Variants in SV2C observed in about 807,000 individuals in gnomAD.
SV2C encodes the protein synaptic vesicle glycoprotein 2C.
In SV2C, 49 loss-of-function variants were observed where a neutral mutation model predicts 79.7. That is an observed-to-expected ratio of 0.61 (90% CI 0.49 to 0.78). The LOEUF (loss-of-function observed/expected upper bound fraction) is 0.78. Ranked by LOEUF, SV2C falls within the 30% of genes least tolerant of loss-of-function variation. SV2C has a pLI of 0.00. For synonymous variants in SV2C, 334 were observed against 333.2 expected (o/e 1.00, Z -0.03); for missense variants, 833 against 912.9 (o/e 0.91, Z 1.13).
chr5:76,310,216 G>T (rs1161972132), intron 12 of SV2C, among the ~76,000 whole-genome samples: 1 of 152,228 alleles, frequency 6.6e-6, no homozygotes, highest in Non-Finnish European at 1.5e-5. Context: ...AGTAGATGTA[G>T]TATATTGGAT....
chr5:76,321,874 G>C (rs887809702), intron 12 of SV2C, among the ~76,000 whole-genome samples: 1 of 151,716 alleles, frequency 6.6e-6, no homozygotes, highest in African/African-American at 2.4e-5. Context: ...ATATACCTGC[G>C]TATCTTAAAG....
chr5:75,909,287 G>C, the SV2C span, among the ~76,000 whole-genome samples: 2 of 152,224 alleles, frequency 1.3e-5, no homozygotes, highest in Non-Finnish European at 2.9e-5. Flanking sequence ...GGACACTGAA[G>C]CCTTGTTCTT....
chr5:76,257,291 AGT>A (rs879863414), intron 4 of SV2C, among the ~76,000 whole-genome samples: 4 of 114,408 alleles, frequency 3.5e-5, no homozygotes, highest in Non-Finnish European at 7.5e-5. Context: ...GTGTGTGTGT[AGT>A]GTGTGTGTGG....
the SV2C span, among the ~76,000 whole-genome samples, chr5:75,925,925 G>T: frequency 6.6e-6 from 1 of 151,930 alleles, no homozygotes; most frequent in Non-Finnish European, 1.5e-5. Flanking sequence ...GAATCACTTG[G>T]GTTTCGTTGG....
chr5:76,290,330 TAG>T (rs1747516556), intron 6 of SV2C, among the ~76,000 whole-genome samples: 1 of 152,194 alleles, frequency 6.6e-6, no homozygotes, highest in African/African-American at 2.4e-5. Flanking sequence ...ACTCTGCCAA[TAG>T]AGTTACCCCT....
chr5:76,325,418 A>G lies in SV2C; in HGVS notation c.2055A>G (p.Gly685=), dbSNP rs777976395. 4 of 1,614,052 alleles carry G rather than the reference A, an allele frequency of 2.5e-6. No homozygotes were observed. In the East Asian group the frequency reaches 8.9e-5, roughly 36 times the overall value. The change falls in exon 13 of 13, where the codon GGA becomes GGG. Residue 685 remains glycine, a synonymous_variant. Coordinates refer to ENST00000502798, the MANE Select transcript of SV2C (RefSeq NM_014979.4). ...NALCKAAAVL[G]NLIFGSLVSI... ...TATGCAAGGCAGCAGCCGTCCTGGG[A>G]AACTTAATATTTGGCTCTCTGGTCA... is the stretch of plus-strand genomic sequence containing the variant.
intron 12 of SV2C, among the ~76,000 whole-genome samples, chr5:76,309,414 C>G (rs965780600): frequency 6.6e-6 from 1 of 151,850 alleles, no homozygotes; most frequent in Non-Finnish European, 1.5e-5. Context: ...TCCTGGCTAA[C>G]AAGGTGAAAC....
At chr5:75,866,905 G>C in the SV2C span, among the ~76,000 whole-genome samples, 1 of 152,188 alleles carries the variant, frequency 6.6e-6, no homozygotes, top group East Asian at 1.9e-4. Context: ...CCCTCTTAGG[G>C]TGTAGTGGAG....
chr5:76,214,979 T>C (rs927579623), intron 4 of SV2C, among the ~76,000 whole-genome samples: 3 of 152,216 alleles, frequency 2.0e-5, no homozygotes, highest in African/African-American at 4.8e-5. Context: ...TTGTTTTACT[T>C]CTTTCTTTCT....
chr5:76,318,410 T>A (rs1285195020), intron 12 of SV2C, among the ~76,000 whole-genome samples: 9 of 150,984 alleles, frequency 6.0e-5, no homozygotes, highest in Admixed American at 5.9e-4. Flanking sequence ...AGAGTGAGAC[T>A]CCATCTCAAA....
chr5:75,951,023 C>A, the SV2C span, among the ~76,000 whole-genome samples: 1 of 152,084 alleles, frequency 6.6e-6, no homozygotes, highest in Middle Eastern at 3.4e-3. Context: ...CATCCTTTCT[C>A]TCTTTATTCT....
rs565026885 is a variant in SV2C, at chr5:76,129,822, T to C, written c.-101-1828T>C. Among the ~76,000 whole-genome samples the C allele has an allele frequency of 1.4e-3, 218 of 152,248 alleles. 1 individual carries two copies. The highest frequency in any genetic ancestry group is 6.8e-3 in the Middle Eastern group (2 of 294). On this transcript the variant is annotated intron_variant, in intron 1 of 12. Transcript: ENST00000502798. ...GACTCTGCTTTCAACTAACCAGAATTTGGAGCTCACTTAATGGTATTTCTG... is the reference window on the plus strand; with the variant it reads ...GACTCTGCTTTCAACTAACCAGAATCTGGAGCTCACTTAATGGTATTTCTG...
chr5:75,914,368 A>C, the SV2C span, among the ~76,000 whole-genome samples: 8 of 152,198 alleles, frequency 5.3e-5, no homozygotes, highest in Non-Finnish European at 1.2e-4. Flanking sequence ...ATATTCAATC[A>C]AATTATATTA....
intron 2 of SV2C, among the ~76,000 whole-genome samples, chr5:76,186,663 G>A (rs909071019): frequency 1.3e-5 from 2 of 150,308 alleles, no homozygotes; most frequent in Non-Finnish European, 3.0e-5. Context: ...CTGCACTCCA[G>A]GCTGGGCAAC....
In SV2C at chr5:76,326,551, T is replaced by C. The variant is rs1026861021; in HGVS notation, c.*1004T>C. On this transcript the variant is annotated 3_prime_UTR_variant, in exon 13 of 13. Transcript: ENST00000502798. Reference sequence around the variant, plus strand: ...CAAAATGGTACCTCTTTCCAGTACCTCTTTGCTGTGGGACTGGCCCGCCAG... The same window carrying C: ...CAAAATGGTACCTCTTTCCAGTACCCCTTTGCTGTGGGACTGGCCCGCCAG... 6.6e-6 allele frequency: 1 copy of C among 152,316 alleles called. No homozygotes were observed. The highest frequency in any genetic ancestry group is 3.4e-3 in the Middle Eastern group (1 of 294). The allele number at this position is 152,316 out of a possible 1,614,324, so 9.4% of individuals were successfully genotyped here.
chr5:76,026,822 G>A, the SV2C span, among the ~76,000 whole-genome samples: 5 of 152,244 alleles, frequency 3.3e-5, no homozygotes, highest in Middle Eastern at 3.4e-3. Flanking sequence ...GTGCTACAAC[G>A]GGAAAGATTA....
chr5:76,131,519 A>C, intron 1 of SV2C, 131 bp from the exon 2 acceptor site: 1 of 296,254 alleles, frequency 3.4e-6, no homozygotes, highest in Non-Finnish European at 6.2e-6. Context: ...GAGATCAAAA[A>C]AAAAAAAAAA....
the SV2C span, among the ~76,000 whole-genome samples, chr5:76,053,752 C>G: frequency 6.6e-6 from 1 of 152,010 alleles, no homozygotes; most frequent in African/African-American, 2.4e-5. Context: ...CAGTGTGTAT[C>G]TTGAAGAGAT....
the SV2C span, among the ~76,000 whole-genome samples, chr5:75,880,821 T>C: frequency 6.6e-6 from 1 of 152,184 alleles, no homozygotes; most frequent in South Asian, 2.1e-4. Context: ...CAATTTTCTG[T>C]ATTAGGCCAT....
Sources: allele counts gnomAD v4.1 joint callset (sites outside exome capture counted in the v4.1 genomes callset), GRCh38; gene constraint gnomAD v4.1.1; transcripts MANE v1.5; gene names NCBI Gene and HGNC (gene_info 2026-07-23, HGNC 2026-07-21).